GNAI1: variants seen among roughly 807,000 people sequenced by gnomAD.
GNAI1 encodes the protein guanine nucleotide-binding protein G(i) subunit alpha-1.
In GNAI1, 11 loss-of-function variants were observed where a neutral mutation model predicts 38.9. That is an observed-to-expected ratio of 0.28 (90% CI 0.18 to 0.47). The LOEUF is 0.47. Among genes scored for constraint, GNAI1 ranks in the 20% least tolerant of loss-of-function variants. The pLI, the probability that GNAI1 is intolerant of heterozygous loss-of-function variation, is 0.99. For synonymous variants in GNAI1, 166 were observed against 145.1 expected (o/e 1.14, Z -1.04); for missense variants, 317 against 436.9 (o/e 0.73, Z 2.45).
At chr7:80,152,131 T>G (rs1272769159) in intron 1 of GNAI1, among the ~76,000 whole-genome samples, 1 of 152,212 alleles carries the variant, frequency 6.6e-6, no homozygotes, top group East Asian at 1.9e-4. Flanking sequence ...AATTGAGTTT[T>G]TGATAGATAA....
chr7:80,178,300 C>A (rs1469953809), intron 1 of GNAI1, among the ~76,000 whole-genome samples: 1 of 152,174 alleles, frequency 6.6e-6, no homozygotes, highest in African/African-American at 2.4e-5. Context: ...GATTTAGAAT[C>A]TTAAATAAAC....
chr7:80,162,531 G>A (rs946051764), intron 1 of GNAI1, among the ~76,000 whole-genome samples: 3 of 152,150 alleles, frequency 2.0e-5, no homozygotes, highest in Non-Finnish European at 2.9e-5. Context: ...ACATCTTTAC[G>A]ATTTGGCTTT....
In GNAI1 at chr7:80,189,194, G is replaced by A; in HGVS notation, c.266G>A (p.Gly89Glu). 6.2e-7 allele frequency: 1 copy of A among 1,610,852 alleles called. No individual in the cohort carries two copies. Among genetic ancestry groups the A allele is most frequent in the Non-Finnish European group, 8.5e-7 (1 of 1,179,040 alleles). Reference sequence around the variant, plus strand: ...ATTATTGCTATCATTAGGGCTATGGGGAGGTTGAAGATAGACTTTGGTGAC... The same window carrying A: ...ATTATTGCTATCATTAGGGCTATGGAGAGGTTGAAGATAGACTTTGGTGAC... ...QSIIAIIRAM[G>E]RLKIDFGDSA... is the part of the protein sequence containing the mutation. The change falls in exon 3 of 8, where the codon GGG becomes GAG. Residue 89 changes from glycine (G) to glutamate (E), a missense_variant. Gly to Glu is a moderately conservative substitution (Grantham distance 98). Around this residue, in one of 5 missense-constraint regions of GNAI1, gnomAD observed 67 missense variants for 61.5 expected, o/e 1.09. Coordinates refer to ENST00000649796, the MANE Select transcript of GNAI1 (RefSeq NM_002069.6).
At chr7:80,209,925 T>C (rs2115702935) in intron 5 of GNAI1, among the ~76,000 whole-genome samples, 1 of 152,298 alleles carries the variant, frequency 6.6e-6, no homozygotes, top group South Asian at 2.1e-4. Flanking sequence ...TGGTACCAGC[T>C]AAGCCAAAAG....
At chr7:80,196,172 C>G (rs1237769112) in intron 3 of GNAI1, among the ~76,000 whole-genome samples, 1 of 152,028 alleles carries the variant, frequency 6.6e-6, no homozygotes, top group Non-Finnish European at 1.5e-5. Context: ...TCTGAGTTCT[C>G]AGAGCACATG....
At chr7:80,199,136 T>C in intron 3 of GNAI1, 89 bp from the exon 4 acceptor site, 1 of 743,062 alleles carries the variant, frequency 1.3e-6, no homozygotes, top group Non-Finnish European at 1.9e-6. Context: ...GCTATTGCCT[T>C]TTTTTTTTTA....
rs188537639 is a variant in GNAI1, at chr7:80,213,926, G to A, written c.874+1057G>A. Among the ~76,000 whole-genome samples the A allele has an allele frequency of 3.0e-3, 460 of 151,922 alleles. 6 individuals carry two copies. The highest frequency in any genetic ancestry group is 0.011 in the African/African-American group (444 of 41,388). ...TTGTGTTGAGTAAATTGTACGATGA[G>A]TATTCACTGCCATTTTACAGGAAAT... On this transcript the variant is annotated intron_variant, in intron 7 of 7. Transcript: ENST00000649796.
At chr7:80,202,829 T>A (rs1317513858) in intron 4 of GNAI1, among the ~76,000 whole-genome samples, 2 of 152,234 alleles carry the variant, frequency 1.3e-5, no homozygotes, top group Non-Finnish European at 2.9e-5. Context: ...CTAGTGGCTT[T>A]ACTTTCCAAG....
intron 3 of GNAI1, among the ~76,000 whole-genome samples, chr7:80,191,996 A>C (rs1167942455): frequency 1.3e-5 from 2 of 152,102 alleles, no homozygotes; most frequent in African/African-American, 4.8e-5. Flanking sequence ...TTGTTCATTT[A>C]TATTTCTTCT....
chr7:80,206,681 A>G (rs907981702), intron 5 of GNAI1, among the ~76,000 whole-genome samples: 1 of 152,076 alleles, frequency 6.6e-6, no homozygotes, highest in South Asian at 2.1e-4. Context: ...TGTTCAGGTA[A>G]TGGCTTACGG....
At chr7:80,200,297 G>A (rs1476972623) in intron 4 of GNAI1, among the ~76,000 whole-genome samples, 1 of 130,346 alleles carries the variant, frequency 7.7e-6, no homozygotes, top group African/African-American at 3.2e-5. Context: ...CTGCACTCCA[G>A]CCTGGAGATG....
chr7:80,194,003 T>C (rs1788525960), intron 3 of GNAI1, among the ~76,000 whole-genome samples: 1 of 152,200 alleles, frequency 6.6e-6, no homozygotes, highest in Non-Finnish European at 1.5e-5. Flanking sequence ...ATTTTTCTGT[T>C]CCAATAACTT....
At chr7:80,154,166 G>T (rs1207649073) in intron 1 of GNAI1, among the ~76,000 whole-genome samples, 2 of 152,130 alleles carry the variant, frequency 1.3e-5, no homozygotes, top group Non-Finnish European at 2.9e-5. Context: ...CAAGTAGTCT[G>T]CCCACCTTGG....
At chr7:80,217,244 T>TTCC in intron 7 of GNAI1, 59 bp from the exon 8 acceptor site, 1 of 1,093,800 alleles carries the variant, frequency 9.1e-7, no homozygotes, top group Non-Finnish European at 1.3e-6. Context: ...CTGAATTCAG[T>TTCC]ATTTTAAGCA....
chr7:80,147,918 A>G (rs1275086686), intron 1 of GNAI1, among the ~76,000 whole-genome samples: 4 of 152,124 alleles, frequency 2.6e-5, no homozygotes, highest in Non-Finnish European at 5.9e-5. Context: ...TATGGCCTGC[A>G]TTTTCTAAAT....
chr7:80,134,920 G>A lies in GNAI1; in HGVS notation c.-241G>A, dbSNP rs1787379823. On this transcript the variant is annotated 5_prime_UTR_variant, in exon 1 of 8. Coordinates refer to ENST00000649796, the MANE Select transcript of GNAI1 (RefSeq NM_002069.6). The stretch of plus-strand genomic sequence containing the variant: ...CCAGAGATTCAAAACCCCAAACCCG[G>A]GACTTGGGGGCGCTGAGCCGGGCCG... The A allele has an allele frequency of 2.7e-6, 1 of 369,690 alleles. No individual in the cohort carries two copies. The highest frequency in any genetic ancestry group is 4.8e-6 in the Non-Finnish European group (1 of 208,110). The allele number at this position is 369,690 out of a possible 1,614,324, so 22.9% of individuals were successfully genotyped here.
At position 80,220,597 on chromosome 7, in the gene GNAI1, CTTCAT is replaced by C. The variant is rs1362066033; in HGVS notation, c.*3109_*3113del. On this transcript the variant is annotated 3_prime_UTR_variant, in exon 8 of 8. Transcript: ENST00000649796. ...AGGCGCTTGTGGTTTCTAAAATTCT[CTTCAT>C]TTCAGTAACCTTCTAAAAGTCTACT... 6.6e-6 allele frequency among the ~76,000 whole-genome samples: 1 copy of C among 152,188 alleles called. No homozygotes were observed. Among genetic ancestry groups the C allele is most frequent in the African/African-American group, 2.4e-5 (1 of 41,436 alleles).
At chr7:80,161,416 A>G (rs1375179349) in intron 1 of GNAI1, among the ~76,000 whole-genome samples, 1 of 152,178 alleles carries the variant, frequency 6.6e-6, no homozygotes, top group Non-Finnish European at 1.5e-5. Context: ...TTAATTGAGT[A>G]CAGCTCTGGT....
At position 80,221,487 on chromosome 7, in the gene GNAI1, T is replaced by C. The variant is rs915071200; in HGVS notation, c.*3994T>C. ...GCCTCAAAAACAAAACTCTCATAAT[T>C]CGTTTTCATAATGAAAACTAAGTGT... On this transcript the variant is annotated 3_prime_UTR_variant, in exon 8 of 8. Transcript: ENST00000649796. Among the ~76,000 whole-genome samples, 2 of 152,130 alleles carry C rather than the reference T, an allele frequency of 1.3e-5. No individual in the cohort carries two copies. The highest frequency in any genetic ancestry group is 2.9e-5 in the Non-Finnish European group (2 of 68,014).
Sources: allele counts gnomAD v4.1 joint callset (sites outside exome capture counted in the v4.1 genomes callset), GRCh38; gene constraint gnomAD v4.1.1; regional missense constraint gnomAD v4.1.1; transcripts MANE v1.5; gene names NCBI Gene and HGNC (gene_info 2026-07-23, HGNC 2026-07-21).